ADAM12: variants seen among roughly 807,000 people sequenced by gnomAD.
The protein encoded by ADAM12 is ADAM metallopeptidase domain 12.
Under a neutral mutation model 106.4 loss-of-function variants are expected in ADAM12, and 70 were observed. That is an observed-to-expected ratio of 0.66 (90% confidence interval 0.54 to 0.80). The LOEUF (loss-of-function observed/expected upper bound fraction) is 0.80. ADAM12 is among the 30% of genes least tolerant of loss of function. The pLI is 0.00. For synonymous variants in ADAM12, 420 were observed against 433.5 expected (o/e 0.97, Z 0.39); for missense variants, 1,010 against 1,171.9 (o/e 0.86, Z 2.02).
chr10:126,228,755 T>C (rs1958249585), intron 3 of ADAM12, among the ~76,000 whole-genome samples: 1 of 152,230 alleles, frequency 6.6e-6, no homozygotes, highest in African/African-American at 2.4e-5. Context: ...AACCATGCTC[T>C]GCAGTAGACA....
chr10:126,305,561 G>T (rs1455962100), intron 2 of ADAM12, among the ~76,000 whole-genome samples: 1 of 152,210 alleles, frequency 6.6e-6, no homozygotes, highest in Non-Finnish European at 1.5e-5. Context: ...TGATTTGGGT[G>T]ACGGTTACGT....
chr10:126,162,288 G>C (rs917281091), intron 3 of ADAM12, among the ~76,000 whole-genome samples: 2 of 152,136 alleles, frequency 1.3e-5, no homozygotes, highest in Non-Finnish European at 2.9e-5. Flanking sequence ...TGGGGAAAAG[G>C]TGAGGAGAGG....
chr10:126,170,147 C>T lies in ADAM12; in HGVS notation c.261-14842G>A, dbSNP rs549763197. Among the ~76,000 whole-genome samples the T allele has an allele frequency of 5.9e-5, 9 of 152,318 alleles. No homozygotes were observed. In the South Asian group the frequency reaches 6.2e-4, roughly 11 times the overall value. On this transcript the variant is annotated intron_variant, in intron 3 of 22. Transcript: ENST00000448723. The stretch of plus-strand genomic sequence containing the variant: ...GCCAGCTCCCTGGCAGACTTGCAGA[C>T]TGGCCAGCTGAGCTCTCTTAAAAAT...
chr10:126,324,316 G>A lies in ADAM12; in HGVS notation c.186+6096C>T, dbSNP rs1311401354. ...AATGAGTAGGACTGAGGGAGTCAGGGGACATGGGGACAGAACATAGTGCAA... is the reference window on the plus strand; with the variant it reads ...AATGAGTAGGACTGAGGGAGTCAGGAGACATGGGGACAGAACATAGTGCAA... On this transcript the variant is annotated intron_variant, in intron 2 of 22. Coordinates refer to ENST00000448723, the MANE Select transcript of ADAM12 (RefSeq NM_001288973.2). 2.0e-5 allele frequency among the ~76,000 whole-genome samples: 3 copies of A among 152,180 alleles called. No individual in the cohort carries two copies. In the East Asian group the frequency reaches 5.8e-4, roughly 29 times the overall value.
In ADAM12 at chr10:126,020,328, C is replaced by T. The variant is rs573118634; in HGVS notation, c.2530-503G>A. ...GTTCCACATGTTGCTCTGAAGGCTC[C>T]GCGAAATACACTGAAGTTCTTCCAC... On this transcript the variant is annotated intron_variant, in intron 21 of 22. Coordinates refer to ENST00000448723, the MANE Select transcript of ADAM12 (RefSeq NM_001288973.2). Among the ~76,000 whole-genome samples, 26 of 152,184 alleles carry T rather than the reference C, an allele frequency of 1.7e-4. 1 individual carries two copies. The South Asian group carries it at 4.6e-3, about 27-fold the overall frequency.
intron 3 of ADAM12, among the ~76,000 whole-genome samples, chr10:126,252,093 GGGATGGATTGGAT>G (rs1477751023): frequency 1.0e-5 from 1 of 95,954 alleles, no homozygotes; most frequent in Non-Finnish European, 2.0e-5. Context: ...TTAGATGGAT[GGGATGGATTGGAT>G]GGATGGATGG....
At chr10:126,310,056 C>T (rs183767596) in intron 2 of ADAM12, among the ~76,000 whole-genome samples, 6 of 151,304 alleles carry the variant, frequency 4.0e-5, no homozygotes, top group East Asian at 1.9e-4. Context: ...CTGCTCAGGA[C>T]GCTGAGGCAG....
chr10:126,221,871 C>T (rs17154535), intron 3 of ADAM12, among the ~76,000 whole-genome samples: 1,595 of 152,332 alleles, frequency 0.01, 55 homozygotes, highest in East Asian at 0.1. Flanking sequence ...ACTCATTAAA[C>T]GTGCCCAATG....
intron 2 of ADAM12, among the ~76,000 whole-genome samples, chr10:126,325,850 G>A (rs899486544): frequency 3.9e-5 from 6 of 152,112 alleles, no homozygotes; most frequent in East Asian, 3.9e-4. Context: ...TACAGCCATC[G>A]TTTCATCTCA....
intron 1 of ADAM12, among the ~76,000 whole-genome samples, chr10:126,349,883 A>G (rs936738954): frequency 1.3e-5 from 2 of 152,228 alleles, no homozygotes; most frequent in Admixed American, 1.3e-4. Context: ...TCACACAGGT[A>G]TGCTGGCTTG....
chr10:126,139,355 T>C (rs1956467528), intron 4 of ADAM12, among the ~76,000 whole-genome samples: 1 of 152,130 alleles, frequency 6.6e-6, no homozygotes, highest in African/African-American at 2.4e-5. Flanking sequence ...AAGATCTCTT[T>C]TTTCCTATTT....
chr10:126,260,274 T>C (rs563912783), intron 3 of ADAM12, among the ~76,000 whole-genome samples: 137 of 152,348 alleles, frequency 9.0e-4, no homozygotes, highest in Middle Eastern at 3.4e-3. Flanking sequence ...CAAACATGGA[T>C]ACAAATTAGC....
chr10:126,066,885 G>C lies in ADAM12; in HGVS notation c.1324-79C>G, dbSNP rs1565029445. 15 of 1,399,608 alleles carry C rather than the reference G, an allele frequency of 1.1e-5. No individual in the cohort carries two copies. Among genetic ancestry groups the C allele is most frequent in the Non-Finnish European group, 1.4e-5 (14 of 999,198 alleles). The allele number at this position is 1,399,608 out of a possible 1,614,324, so 86.7% of individuals were successfully genotyped here. The stretch of plus-strand genomic sequence containing the variant: ...TGAATGCAAACATCACACCTTAAAT[G>C]GCTGCAAAAAGCAAGAAAGACCAAG... On this transcript the variant is annotated intron_variant, in intron 12 of 22. Coordinates refer to ENST00000448723, the MANE Select transcript of ADAM12 (RefSeq NM_001288973.2). This position sits in a 1 kb window ranked among gnomAD's most constrained non-coding sequence, Gnocchi z 5.1.
intron 12 of ADAM12, 50 bp downstream of exon 12, chr10:126,071,427 A>T (rs1388945862): frequency 6.3e-7 from 1 of 1,584,748 alleles, no homozygotes; most frequent in South Asian, 1.1e-5. Flanking sequence ...TTCTTTGCCT[A>T]GCCGAGGATA....
chr10:126,092,120 T>C (rs1162096976), intron 11 of ADAM12, among the ~76,000 whole-genome samples: 1 of 152,232 alleles, frequency 6.6e-6, no homozygotes, highest in African/African-American at 2.4e-5. Context: ...CTCTCTTCCA[T>C]TGGTTTATCA....
intron 2 of ADAM12, among the ~76,000 whole-genome samples, chr10:126,281,352 C>A (rs1386152935): frequency 6.6e-6 from 1 of 152,074 alleles, no homozygotes; most frequent in African/African-American, 2.4e-5. Context: ...AGATCACATA[C>A]CTTAAATGGA....
chr10:126,130,337 A>C (rs1028342956), intron 5 of ADAM12, among the ~76,000 whole-genome samples: 5 of 152,090 alleles, frequency 3.3e-5, no homozygotes, highest in Non-Finnish European at 7.4e-5. Context: ...CTGTTGATGC[A>C]CGGTCTGCTG....
intron 2 of ADAM12, among the ~76,000 whole-genome samples, chr10:126,313,249 G>T (rs1721500786): frequency 6.6e-6 from 1 of 152,174 alleles, no homozygotes; most frequent in Admixed American, 6.5e-5. Context: ...TCAGCAGCTG[G>T]TTTCCCCCAC....
chr10:126,181,072 A>ATT lies in ADAM12; in HGVS notation c.261-25769_261-25768dup, dbSNP rs35075200. On this transcript the variant is annotated intron_variant, in intron 3 of 22. Coordinates refer to ENST00000448723, the MANE Select transcript of ADAM12 (RefSeq NM_001288973.2). ...TAAAAGCAGCTTGTGCTACATAGGG[A>ATT]TTTTTTTTTTTTTTTTTGAGACACA... Among the ~76,000 whole-genome samples, 829 of 140,748 alleles carry ATT rather than the reference A, an allele frequency of 5.9e-3. 6 individuals are homozygous for ATT. Among genetic ancestry groups the ATT allele is most frequent in the African/African-American group, 0.02 (760 of 38,258 alleles). The allele number at this position is 140,748 out of a possible 152,430, so 92.3% of individuals were successfully genotyped here.
Sources: allele counts gnomAD v4.1 joint callset (sites outside exome capture counted in the v4.1 genomes callset), GRCh38; gene constraint gnomAD v4.1.1; non-coding constraint Gnocchi (gnomAD v3.1); transcripts MANE v1.5; gene names NCBI Gene and HGNC (gene_info 2026-07-23, HGNC 2026-07-21).